The following ZRANB3 variants were observed in gnomAD, a reference collection of about 807,000 sequenced individuals.
ZRANB3 encodes DNA annealing helicase and endonuclease ZRANB3.
A neutral mutation model predicts 133.8 loss-of-function variants in ZRANB3; 125 were observed. That is an observed-to-expected ratio of 0.93 (90% CI 0.81 to 1.08). ZRANB3 has a LOEUF of 1.08. Ranked by LOEUF, ZRANB3 falls within the 50% of genes least tolerant of loss-of-function variation. The pLI is 0.00. For synonymous variants in ZRANB3, 387 were observed against 432.7 expected (o/e 0.89, Z 1.31); for missense variants, 1,229 against 1,275.5 (o/e 0.96, Z 0.56).
intron 10 of ZRANB3, 115 bp from the exon 11 acceptor site, chr2:135,269,256 C>G: frequency 1.3e-6 from 1 of 787,462 alleles, no homozygotes; most frequent in Non-Finnish European, 1.8e-6. Context: ...AATTAGTTGT[C>G]TATTTTAGGC....
intron 6 of ZRANB3, among the ~76,000 whole-genome samples, chr2:135,322,330 A>C (rs1683569166): frequency 6.6e-6 from 1 of 152,082 alleles, no homozygotes; most frequent in Non-Finnish European, 1.5e-5. Context: ...TTGCATATAA[A>C]TTTTAGATTT....
intron 8 of ZRANB3, among the ~76,000 whole-genome samples, chr2:135,283,186 G>A (rs1259939286): frequency 6.6e-6 from 1 of 152,206 alleles, no homozygotes. Flanking sequence ...TTGGGAGGCT[G>A]GGGCAGAAGG....
intron 2 of ZRANB3, among the ~76,000 whole-genome samples, chr2:135,412,344 C>T (rs1688345936): frequency 6.6e-6 from 1 of 152,144 alleles, no homozygotes; most frequent in Non-Finnish European, 1.5e-5. Context: ...ACTTATTCCT[C>T]CATCTATCAA....
At chr2:135,267,489 T>A (rs957297634) in intron 11 of ZRANB3, among the ~76,000 whole-genome samples, 3 of 151,986 alleles carry the variant, frequency 2.0e-5, no homozygotes, top group South Asian at 2.1e-4. Context: ...AGAAGGTCAA[T>A]CATCTCTCTT....
intron 8 of ZRANB3, among the ~76,000 whole-genome samples, chr2:135,284,418 C>T (rs1382493842): frequency 6.6e-6 from 1 of 152,202 alleles, no homozygotes; most frequent in African/African-American, 2.4e-5. Context: ...CACCCCTTGC[C>T]CAAAGAAAAC....
At chr2:135,428,273 T>C (rs898606415) in intron 2 of ZRANB3, among the ~76,000 whole-genome samples, 50 of 151,858 alleles carry the variant, frequency 3.3e-4, no homozygotes, top group African/African-American at 1.1e-3. Flanking sequence ...GGAAACCTCA[T>C]CTATACTAAA....
At chr2:135,345,468 C>CAAA in intron 6 of ZRANB3, 82 bp downstream of exon 6, 1 of 820,186 alleles carries the variant, frequency 1.2e-6, no homozygotes, top group Non-Finnish European at 1.8e-6. Flanking sequence ...GACTCTGTCT[C>CAAA]AAAAAAAAAA....
intron 2 of ZRANB3, among the ~76,000 whole-genome samples, chr2:135,433,608 T>C (rs1166154436): frequency 6.6e-6 from 1 of 152,126 alleles, no homozygotes; most frequent in Non-Finnish European, 1.5e-5. Context: ...TCTCAGCACT[T>C]TGGGAGGCCG....
At chr2:135,510,817 T>G in intron 1 of ZRANB3, 1 of 847,708 alleles carries the variant, frequency 1.2e-6, no homozygotes, top group Non-Finnish European at 2.1e-6. Context: ...CTGGGTAATT[T>G]CCCACCACTG....
chr2:135,348,131 C>A (rs55921554), intron 5 of ZRANB3, among the ~76,000 whole-genome samples: 1 of 151,808 alleles, frequency 6.6e-6, no homozygotes, highest in African/African-American at 2.4e-5. Flanking sequence ...TGGTGGCATG[C>A]GCCTGCAATC....
At chr2:135,389,305 G>A (rs557877370) in intron 3 of ZRANB3, among the ~76,000 whole-genome samples, 1 of 152,066 alleles carries the variant, frequency 6.6e-6, no homozygotes, top group Non-Finnish European at 1.5e-5. Context: ...AAAAAATTAG[G>A]TCATTATAAA....
intron 12 of ZRANB3, among the ~76,000 whole-genome samples, chr2:135,245,753 C>A (rs1320746128): frequency 6.7e-6 from 1 of 148,848 alleles, no homozygotes; most frequent in East Asian, 2.1e-4. Context: ...ACGGAGAAAC[C>A]CCATCTCTAC....
At chr2:135,207,198 T>C (rs1693905092) in intron 19 of ZRANB3, among the ~76,000 whole-genome samples, 1 of 150,450 alleles carries the variant, frequency 6.6e-6, no homozygotes, top group African/African-American at 2.4e-5. Flanking sequence ...AAATAATAAA[T>C]AAATAAATAA....
At chr2:135,358,698 G>T (rs575748370) in intron 3 of ZRANB3, among the ~76,000 whole-genome samples, 19 of 152,222 alleles carry the variant, frequency 1.2e-4, no homozygotes, top group African/African-American at 3.6e-4. Context: ...CTCATGCAAG[G>T]ATTGGTCTTG....
intron 3 of ZRANB3, among the ~76,000 whole-genome samples, chr2:135,371,254 C>T (rs925187786): frequency 6.6e-6 from 1 of 152,156 alleles, no homozygotes; most frequent in African/African-American, 2.4e-5. Flanking sequence ...AAGAACATTT[C>T]ACTTAATAAA....
intron 6 of ZRANB3, among the ~76,000 whole-genome samples, chr2:135,330,808 T>C (rs1399340568): frequency 6.6e-6 from 1 of 152,184 alleles, no homozygotes; most frequent in African/African-American, 2.4e-5. Flanking sequence ...ATTTTTCCAT[T>C]TCTTCTAGAT....
At chr2:135,433,929 G>A (rs926716177) in intron 2 of ZRANB3, among the ~76,000 whole-genome samples, 34 of 152,242 alleles carry the variant, frequency 2.2e-4, no homozygotes, top group African/African-American at 6.3e-4. Flanking sequence ...CCTGGGAGGC[G>A]GAGGTTGCGG....
intron 3 of ZRANB3, among the ~76,000 whole-genome samples, chr2:135,376,281 C>T (rs1208271967): frequency 2.0e-5 from 3 of 152,154 alleles, no homozygotes; most frequent in African/African-American, 4.8e-5. Flanking sequence ...TTTTAAGCCC[C>T]CCAGTTTGTG....
intron 12 of ZRANB3, among the ~76,000 whole-genome samples, chr2:135,233,207 A>C (rs1695117389): frequency 6.6e-6 from 1 of 152,232 alleles, no homozygotes; most frequent in Non-Finnish European, 1.5e-5. Flanking sequence ...TGGAAGATCA[A>C]ATGAATGAAA....
Sources: gnomAD v4.1 joint callset for allele counts (sites outside exome capture counted in the v4.1 genomes callset) on GRCh38, gnomAD v4.1.1 for gene constraint, MANE v1.5 for transcripts, NCBI Gene and HGNC (gene_info 2026-07-23, HGNC 2026-07-21) for gene names.